Variants in EYS observed in about 807,000 individuals in gnomAD.
The protein encoded by EYS is protein eyes shut homolog.
Under a neutral mutation model 282.1 loss-of-function variants are expected in EYS, and 250 were observed. The ratio of observed to expected loss-of-function variants is 0.89; its 90% CI spans 0.80 to 0.98. The LOEUF (loss-of-function observed/expected upper bound fraction) is 0.98, where lower values mean the gene tolerates loss of function less well. Among genes scored for constraint, EYS ranks in the 50% least tolerant of loss-of-function variants. The probability of loss-of-function intolerance (pLI) is 0.00; values close to 1 mark genes in which losing one functional copy is unlikely to be tolerated. For missense variants in EYS, 4,016 were observed against 3,709.0 expected, an observed-to-expected ratio of 1.08 and a Z score of -2.15; for synonymous variants, 1,355 against 1,282.9, an observed-to-expected ratio of 1.06 and a Z score of -1.20.
At chr6:64,688,759 G>A (rs575907568) in intron 22 of EYS, among the ~76,000 whole-genome samples, 1 of 152,242 alleles carries the variant, frequency 6.6e-6, no homozygotes, top group Non-Finnish European at 1.5e-5. Flanking sequence ...GCAGAGCTGA[G>A]TTCAATTCCT....
intron 13 of EYS, among the ~76,000 whole-genome samples, chr6:65,053,158 C>G (rs1773322003): frequency 6.6e-6 from 1 of 151,650 alleles, no homozygotes; most frequent in Non-Finnish European, 1.5e-5. Flanking sequence ...CCTTTTCGGA[C>G]AAATACCTTT....
At chr6:64,433,795 T>C (rs1774648410) in intron 28 of EYS, among the ~76,000 whole-genome samples, 1 of 152,002 alleles carries the variant, frequency 6.6e-6, no homozygotes, top group Non-Finnish European at 1.5e-5. Flanking sequence ...GACTAGTGTT[T>C]TGTTACTTTA....
chr6:65,094,483 C>A (rs142717759), intron 12 of EYS, among the ~76,000 whole-genome samples: 1,985 of 151,272 alleles, frequency 0.013, 56 homozygotes, highest in African/African-American at 0.045. Context: ...GGCCACAATA[C>A]AAGTCTTAGT....
chr6:64,297,132 A>T (rs1769058007), intron 30 of EYS, among the ~76,000 whole-genome samples: 1 of 152,150 alleles, frequency 6.6e-6, no homozygotes, highest in African/African-American at 2.4e-5. Flanking sequence ...GACAGAAAGG[A>T]TCCTCTTCTT....
chr6:65,021,868 G>T (rs1336886701), intron 13 of EYS, among the ~76,000 whole-genome samples: 1 of 152,198 alleles, frequency 6.6e-6, no homozygotes, highest in East Asian at 1.9e-4. Context: ...GCAGTAAGGA[G>T]AACTGCTGAG....
intron 14 of EYS, among the ~76,000 whole-genome samples, chr6:64,996,161 G>T (rs185562265): frequency 5.6e-4 from 86 of 152,280 alleles, no homozygotes; most frequent in Admixed American, 4.7e-3. Flanking sequence ...ATTAGGTCCA[G>T]AGGTTGGGCA....
At chr6:64,571,583 T>C (rs1765727088) in intron 26 of EYS, among the ~76,000 whole-genome samples, 1 of 151,926 alleles carries the variant, frequency 6.6e-6, no homozygotes, top group Non-Finnish European at 1.5e-5. Flanking sequence ...CAATAAAAAA[T>C]AGTAAAGGGG....
intron 1 of EYS, among the ~76,000 whole-genome samples, chr6:65,641,505 T>A (rs1368021605): frequency 2.0e-5 from 3 of 152,198 alleles, no homozygotes; most frequent in Non-Finnish European, 1.5e-5. Context: ...ATTTTTCTGA[T>A]CCTCTAACTC....
At chr6:64,711,110 T>C (rs1351148959) in intron 22 of EYS, among the ~76,000 whole-genome samples, 1 of 152,208 alleles carries the variant, frequency 6.6e-6, no homozygotes, top group Non-Finnish European at 1.5e-5. Context: ...GTGTTAATAC[T>C]GTAATTAGGC....
At chr6:64,938,566 G>A (rs1768987027) in intron 15 of EYS, among the ~76,000 whole-genome samples, 1 of 151,570 alleles carries the variant, frequency 6.6e-6, no homozygotes, top group Non-Finnish European at 1.5e-5. Flanking sequence ...TTTACATTAA[G>A]TAGAAACTAC....
intron 31 of EYS, among the ~76,000 whole-genome samples, chr6:64,184,920 T>A (rs766654755): frequency 3.8e-4 from 58 of 152,000 alleles, no homozygotes; most frequent in Middle Eastern, 3.2e-3. Flanking sequence ...CAAATCCATA[T>A]GCTGAAAATC....
At chr6:65,148,180 C>T (rs148417827) in intron 12 of EYS, among the ~76,000 whole-genome samples, 1 of 152,252 alleles carries the variant, frequency 6.6e-6, no homozygotes, top group Non-Finnish European at 1.5e-5. Context: ...CTGATTCCAG[C>T]ATGAACTCTA....
chr6:64,302,315 C>A (rs1168495709), intron 30 of EYS, among the ~76,000 whole-genome samples: 1 of 152,100 alleles, frequency 6.6e-6, no homozygotes, highest in Non-Finnish European at 1.5e-5. Context: ...CAGGCACATC[C>A]CCTCTTTCAA....
At chr6:65,604,846 T>TCC (rs1562283143) in intron 2 of EYS, among the ~76,000 whole-genome samples, 8 of 145,984 alleles carry the variant, frequency 5.5e-5, no homozygotes, top group African/African-American at 7.4e-5. Context: ...TGCCCCCTTT[T>TCC]TTTTTTTTTT....
intron 31 of EYS, among the ~76,000 whole-genome samples, chr6:64,128,158 T>TA (rs1216380226): frequency 6.6e-6 from 1 of 152,176 alleles, no homozygotes; most frequent in Non-Finnish European, 1.5e-5. Context: ...CAGAGCTTAT[T>TA]ACATTGCTAC....
chr6:64,197,758 T>C (rs1349500096), intron 31 of EYS, among the ~76,000 whole-genome samples: 1 of 140,308 alleles, frequency 7.1e-6, no homozygotes, highest in African/African-American at 2.6e-5. Context: ...AATTTTATCT[T>C]GTTTAGGATT....
At chr6:63,912,807 C>T (rs1426403690) in intron 35 of EYS, among the ~76,000 whole-genome samples, 2 of 147,800 alleles carry the variant, frequency 1.4e-5, no homozygotes, top group African/African-American at 5.0e-5. Context: ...TGCTCCTACT[C>T]CCCCTTTGCC....
intron 11 of EYS, among the ~76,000 whole-genome samples, chr6:65,298,839 A>G (rs1768736547): frequency 6.6e-6 from 1 of 151,170 alleles, no homozygotes; most frequent in South Asian, 2.1e-4. Flanking sequence ...AATCCAAATT[A>G]GCACATTTTG....
chr6:65,593,052 CT>C (rs1226986406), intron 2 of EYS, among the ~76,000 whole-genome samples: 2 of 152,022 alleles, frequency 1.3e-5, no homozygotes, highest in Non-Finnish European at 1.5e-5. Context: ...AGCATTACCC[CT>C]AGGTGGGCTA....
Sources: gnomAD v4.1 joint callset for allele counts (sites outside exome capture counted in the v4.1 genomes callset) on GRCh38, gnomAD v4.1.1 for gene constraint, MANE v1.5 for transcripts, NCBI Gene and HGNC (gene_info 2026-07-23, HGNC 2026-07-21) for gene names.